Variants in MEI4 observed in about 807,000 individuals in gnomAD.
MEI4 encodes meiotic double-stranded break formation protein 4.
A neutral mutation model predicts 31.4 loss-of-function variants in MEI4; 27 were observed. The ratio of observed to expected loss-of-function variants is 0.86; its 90% CI spans 0.63 to 1.19. The LOEUF (loss-of-function observed/expected upper bound fraction) is 1.19. Among genes scored for constraint, MEI4 ranks in the 50% most tolerant of loss-of-function variants. The pLI, the probability that MEI4 is intolerant of heterozygous loss-of-function variation, is 0.00. For synonymous variants in MEI4, 122 were observed against 145.4 expected (o/e 0.84, Z 1.16); for missense variants, 329 against 398.9 (o/e 0.82, Z 1.49).
rs115097999 is a variant in MEI4, at chr6:77,782,661, T to G, written c.768+20996T>G. 9.3e-3 allele frequency among the ~76,000 whole-genome samples: 1,422 copies of G among 152,196 alleles called. 18 individuals are homozygous for G. Among genetic ancestry groups the G allele is most frequent in the African/African-American group, 0.032 (1,320 of 41,538 alleles). On this transcript the variant is annotated intron_variant, in intron 3 of 4. Coordinates refer to ENST00000684080, the MANE Select transcript of MEI4 (RefSeq NM_001322247.2). ...GCAACTTAGAAAGCAATGAGAAGAT[T>G]GGGGCCACTTCTCTAATTTCACAGT...
chr6:77,741,318 A>G (rs1171340346), intron 2 of MEI4, among the ~76,000 whole-genome samples: 3 of 152,298 alleles, frequency 2.0e-5, no homozygotes, highest in South Asian at 2.1e-4. Flanking sequence ...AGGTATGGGT[A>G]GCCTGTGGGA....
intron 2 of MEI4, among the ~76,000 whole-genome samples, chr6:77,745,526 C>A (rs1484653255): frequency 6.6e-6 from 1 of 152,184 alleles, no homozygotes; most frequent in Non-Finnish European, 1.5e-5. Context: ...TAATGGGAGA[C>A]TTTAATACCC....
At chr6:77,684,452 C>CT (rs138596876) in intron 1 of MEI4, among the ~76,000 whole-genome samples, 25,548 of 149,128 alleles carry the variant, frequency 0.17, 2,678 homozygotes, top group Non-Finnish European at 0.23. Context: ...ATTCTGTCTA[C>CT]TTTTTTTTTT....
chr6:77,762,457 C>A (rs529014589), intron 3 of MEI4, among the ~76,000 whole-genome samples: 293 of 152,240 alleles, frequency 1.9e-3, no homozygotes, highest in Middle Eastern at 3.4e-3. Flanking sequence ...AATGGCTTCA[C>A]ATTTTAATCC....
At chr6:77,823,992 CA>C (rs759592907) in intron 3 of MEI4, among the ~76,000 whole-genome samples, 51 of 152,276 alleles carry the variant, frequency 3.3e-4, no homozygotes, top group Non-Finnish European at 6.0e-4. Context: ...AGTGGTTGAA[CA>C]CTTTTTATGG....
chr6:77,772,315 C>G (rs1482051482), intron 3 of MEI4, among the ~76,000 whole-genome samples: 2 of 149,776 alleles, frequency 1.3e-5, no homozygotes, highest in African/African-American at 2.4e-5. Flanking sequence ...TTACAAAATC[C>G]TCAACAAAAA....
At chr6:77,670,032 C>A (rs576237559) in intron 1 of MEI4, among the ~76,000 whole-genome samples, 1 of 152,260 alleles carries the variant, frequency 6.6e-6, no homozygotes, top group East Asian at 1.9e-4. Flanking sequence ...CAGATCCATG[C>A]AGCTTAAGCT....
intron 1 of MEI4, among the ~76,000 whole-genome samples, chr6:77,656,674 T>TAAG (rs1768403218): frequency 6.6e-6 from 1 of 152,188 alleles, no homozygotes; most frequent in Non-Finnish European, 1.5e-5. Context: ...ATAAAACACT[T>TAAG]AGATAGTTCT....
chr6:77,891,082 T>C (rs1262183465), intron 4 of MEI4, among the ~76,000 whole-genome samples: 2 of 152,246 alleles, frequency 1.3e-5, no homozygotes, highest in Non-Finnish European at 2.9e-5. Context: ...ATTTGTCTTT[T>C]ACTTTTGACA....
intron 4 of MEI4, among the ~76,000 whole-genome samples, chr6:77,838,221 G>A (rs1259518465): frequency 5.3e-5 from 8 of 152,026 alleles, no homozygotes; most frequent in Admixed American, 5.2e-4. Context: ...ATCTTCTGTG[G>A]AAGACAGGTC....
chr6:77,755,111 C>G (rs931378017), intron 2 of MEI4, among the ~76,000 whole-genome samples: 1 of 151,828 alleles, frequency 6.6e-6, no homozygotes, highest in Non-Finnish European at 1.5e-5. Context: ...TGGAAGGATC[C>G]CTTGAGAGCA....
intron 4 of MEI4, among the ~76,000 whole-genome samples, chr6:77,845,626 G>A (rs1214761521): frequency 2.0e-5 from 3 of 152,114 alleles, no homozygotes; most frequent in African/African-American, 7.2e-5. Context: ...CTTTTATTAT[G>A]TACTTCATTT....
rs1769151784 is a variant in MEI4 at position 77,691,248 on chromosome 6, C to G, written c.232+345C>G. Among the ~76,000 whole-genome samples the G allele has an allele frequency of 2.6e-5, 4 of 151,974 alleles. No homozygotes were observed. The South Asian group carries it at 8.3e-4, about 31-fold the overall frequency. ...CAGTCCAATGTGAAATACCAGCTAT[C>G]AGCCAGGCATGTGTGGGTGGTGAGG... On this transcript the variant is annotated intron_variant, in intron 2 of 4. Transcript: ENST00000684080.
Position 77,710,923 on chromosome 6 carries a change from C to G in MEI4, c.232+20020C>G, listed in dbSNP as rs577270203. Among the ~76,000 whole-genome samples, 10 of 152,312 alleles carry G rather than the reference C, an allele frequency of 6.6e-5. No homozygotes were observed. In the East Asian group the frequency reaches 1.9e-3, roughly 29 times the overall value. On this transcript the variant is annotated intron_variant, in intron 2 of 4. Coordinates refer to ENST00000684080, the MANE Select transcript of MEI4 (RefSeq NM_001322247.2). The stretch of plus-strand genomic sequence containing the variant: ...CTCATTGGCAGTTTTCATTATTCAT[C>G]TCACTTAATTTTAATCTTTTTATTT...
chr6:77,698,063 G>T (rs1232687107), intron 2 of MEI4, among the ~76,000 whole-genome samples: 1 of 152,132 alleles, frequency 6.6e-6, no homozygotes, highest in East Asian at 1.9e-4. Flanking sequence ...TTTAAAGTCT[G>T]TTTTATCAGA....
chr6:77,726,738 G>A (rs929075023), intron 2 of MEI4, among the ~76,000 whole-genome samples: 1 of 152,266 alleles, frequency 6.6e-6, no homozygotes, highest in Middle Eastern at 3.4e-3. Flanking sequence ...GAAGATAGGT[G>A]TATTCTAAGC....
At chr6:77,743,392 T>G (rs9343647) in intron 2 of MEI4, among the ~76,000 whole-genome samples, 80,006 of 151,710 alleles carry the variant, frequency 0.53, 22,554 homozygotes, top group East Asian at 0.75. Context: ...AATTGTGAAT[T>G]GGAGTTCACT....
At chr6:77,807,111 A>T (rs1273455511) in intron 3 of MEI4, among the ~76,000 whole-genome samples, 1 of 149,696 alleles carries the variant, frequency 6.7e-6, no homozygotes, top group Non-Finnish European at 1.5e-5. Flanking sequence ...GCTTCTTGAC[A>T]TATGCTATTT....
At chr6:77,747,687 C>T (rs776567448) in intron 2 of MEI4, among the ~76,000 whole-genome samples, 2 of 152,272 alleles carry the variant, frequency 1.3e-5, no homozygotes, top group East Asian at 3.9e-4. Flanking sequence ...TGGTCCCTCT[C>T]AAGTCTCATA....
Sources: allele counts gnomAD v4.1 joint callset (sites outside exome capture counted in the v4.1 genomes callset), GRCh38; gene constraint gnomAD v4.1.1; transcripts MANE v1.5; gene names NCBI Gene and HGNC (gene_info 2026-07-23, HGNC 2026-07-21).